The following ERBIN variants were observed in gnomAD, a reference collection of about 807,000 sequenced individuals.
ERBIN encodes densin-180-like protein.
Under a neutral mutation model 158.4 loss-of-function variants are expected in ERBIN, and 60 were observed. The observed-to-expected ratio is 0.38, with a 90% CI of 0.31 to 0.47. The LOEUF is 0.47. ERBIN is among the 20% of genes least tolerant of loss of function. The pLI, the probability that ERBIN is intolerant of heterozygous loss-of-function variation, is 0.99. For synonymous variants in ERBIN, 594 were observed against 557.2 expected, an observed-to-expected ratio of 1.07 and a Z score of -0.93; for missense variants, 1,610 against 1,648.0, an observed-to-expected ratio of 0.98 and a Z score of 0.40.
chr5:65,992,526 A>G (rs1410688326), intron 2 of ERBIN, among the ~76,000 whole-genome samples, 184 bp from the exon 3 acceptor site: 1 of 152,188 alleles, frequency 6.6e-6, no homozygotes, highest in Non-Finnish European at 1.5e-5. Context: ...CTTGAGTTTA[A>G]TTTGAAATCC....
chr5:66,063,214 G>T (rs2151274447), intron 21 of ERBIN, among the ~76,000 whole-genome samples: 1 of 152,330 alleles, frequency 6.6e-6, no homozygotes, highest in South Asian at 2.1e-4. Context: ...AGCTGCTTTG[G>T]TTACCTACTC....
chr5:66,049,866 T>G (rs1397668587), intron 19 of ERBIN, among the ~76,000 whole-genome samples: 1 of 152,102 alleles, frequency 6.6e-6, no homozygotes, highest in African/African-American at 2.4e-5. Context: ...ACTTGTCTGT[T>G]TCTGTTCATG....
At chr5:65,968,620 G>A (rs979195900) in intron 1 of ERBIN, among the ~76,000 whole-genome samples, 2 of 152,108 alleles carry the variant, frequency 1.3e-5, no homozygotes, top group African/African-American at 4.8e-5. Flanking sequence ...GAGTGCAGTG[G>A]CCCGATCTTG....
chr5:65,968,206 G>A (rs1356896611), intron 1 of ERBIN, among the ~76,000 whole-genome samples: 5 of 152,158 alleles, frequency 3.3e-5, no homozygotes, highest in Admixed American at 3.3e-4. Flanking sequence ...CATCTTGTTG[G>A]TTAGGGATTA....
intron 7 of ERBIN, among the ~76,000 whole-genome samples, chr5:66,020,891 G>A (rs73107536): frequency 0.032 from 4,843 of 151,820 alleles, 129 homozygotes; most frequent in African/African-American, 0.072. Context: ...ATTAATTTTC[G>A]GAGTTACAGT....
chr5:65,947,450 CATTG>C (rs1343845145), intron 1 of ERBIN, among the ~76,000 whole-genome samples: 1 of 152,106 alleles, frequency 6.6e-6, no homozygotes, highest in African/African-American at 2.4e-5. Flanking sequence ...TGTTCAGCTT[CATTG>C]ATTATTATTT....
chr5:66,058,605 T>C (rs1009891347), intron 21 of ERBIN, among the ~76,000 whole-genome samples: 2 of 150,724 alleles, frequency 1.3e-5, no homozygotes, highest in African/African-American at 2.5e-5. Flanking sequence ...CATGAAGTCC[T>C]TGCCCATGCC....
Position 66,076,263 on chromosome 5 carries a change from C to T in ERBIN, c.3964-53C>T. On this transcript the variant is annotated intron_variant, in intron 23 of 25. Coordinates refer to ENST00000284037, the MANE Select transcript of ERBIN (RefSeq NM_001253697.2). ...CAGTATTTAAATATGGATGTTGTTG[C>T]ATTATAACTTTTTCTGAAATAGTAA... 3.7e-6 allele frequency: 5 copies of T among 1,348,090 alleles called. No homozygotes were observed. In the South Asian group the frequency reaches 6.1e-5, roughly 16 times the overall value. The allele number at this position is 1,348,090 out of a possible 1,614,324, so 83.5% of individuals were successfully genotyped here.
At chr5:65,932,533 G>T (rs958823421) in intron 1 of ERBIN, among the ~76,000 whole-genome samples, 5 of 152,124 alleles carry the variant, frequency 3.3e-5, no homozygotes, top group Non-Finnish European at 7.3e-5. Flanking sequence ...GACCTGGAAG[G>T]TTCCTTGAAA....
At chr5:65,954,940 A>G (rs368914136) in intron 1 of ERBIN, among the ~76,000 whole-genome samples, 2 of 151,884 alleles carry the variant, frequency 1.3e-5, no homozygotes, top group East Asian at 3.9e-4. Context: ...TGGTGGGCGC[A>G]TGTAATCCCA....
intron 8 of ERBIN, among the ~76,000 whole-genome samples, chr5:66,022,272 G>A (rs929380912): frequency 3.3e-5 from 5 of 152,116 alleles, no homozygotes; most frequent in South Asian, 2.1e-4. Flanking sequence ...GTATGAATCC[G>A]TTTCCGTATT....
intron 25 of ERBIN, 77 bp from the exon 26 acceptor site, chr5:66,078,346 A>G (rs1327086999): frequency 5.6e-6 from 5 of 894,240 alleles, no homozygotes; most frequent in South Asian, 4.6e-5. Flanking sequence ...TTTTCTTCCA[A>G]GTTTGTGAAC....
intron 24 of ERBIN, chr5:66,076,663 A>G: frequency 1.7e-6 from 1 of 601,650 alleles, no homozygotes; most frequent in East Asian, 2.9e-5. Context: ...CACACCTATA[A>G]AAGTAATTTT....
Position 66,028,247 on chromosome 5 carries a change from A to G in ERBIN, c.1137-27A>G, listed in dbSNP as rs562137557. 4.0e-5 allele frequency: 63 copies of G among 1,557,646 alleles called. No homozygotes were observed. In the South Asian group the frequency reaches 6.6e-4, roughly 16 times the overall value. ...TTAAATCTTCTCATTTTAAAGTTTA[A>G]TTTTTGTTTGTATTTTTTTCCTACA... On this transcript the variant is annotated intron_variant, in intron 13 of 25. Transcript: ENST00000284037.
chr5:65,981,543 C>G (rs1443644598), intron 1 of ERBIN, among the ~76,000 whole-genome samples: 1 of 151,884 alleles, frequency 6.6e-6, no homozygotes, highest in African/African-American at 2.4e-5. Flanking sequence ...CCGCAGATTA[C>G]TGGTATAAAA....
chr5:65,942,529 T>C (rs73762516), intron 1 of ERBIN, among the ~76,000 whole-genome samples: 6,114 of 152,328 alleles, frequency 0.04, 417 homozygotes, highest in African/African-American at 0.14. Flanking sequence ...GGATACAGCT[T>C]AATTTACAAA....
intron 1 of ERBIN, among the ~76,000 whole-genome samples, chr5:65,967,681 GTTTC>G (rs1331772744): frequency 1.3e-5 from 2 of 152,214 alleles, no homozygotes; most frequent in Middle Eastern, 3.2e-3. Context: ...ATGCACGATT[GTTTC>G]TTCCAACAAA....
At chr5:66,058,326 A>G (rs1421792240) in intron 21 of ERBIN, among the ~76,000 whole-genome samples, 5 of 152,070 alleles carry the variant, frequency 3.3e-5, no homozygotes, top group Admixed American at 6.5e-5. Flanking sequence ...TTTTGGCTGC[A>G]TAAGTGTCTT....
Position 66,080,265 on chromosome 5 carries a change from A to G in ERBIN, c.*1735A>G, listed in dbSNP as rs1762326597. On this transcript the variant is annotated 3_prime_UTR_variant, in exon 26 of 26. Coordinates refer to ENST00000284037, the MANE Select transcript of ERBIN (RefSeq NM_001253697.2). ...AGCACTTTTAAAAATATGTGAACTC[A>G]AATATTGCACTTCTTTCAAGATGTT... The G allele has an allele frequency of 6.6e-6, 1 of 152,550 alleles. No individual in the cohort carries two copies. Among genetic ancestry groups the G allele is most frequent in the Non-Finnish European group, 1.5e-5 (1 of 67,976 alleles). 9.4% of individuals were successfully genotyped at this position (152,550 alleles called of 1,614,324 possible). A position where few individuals can be genotyped will look rare whatever the true frequency, so the allele number is the denominator to read the frequency against.
Sources: gnomAD v4.1 joint callset for allele counts (sites outside exome capture counted in the v4.1 genomes callset) on GRCh38, gnomAD v4.1.1 for gene constraint, MANE v1.5 for transcripts, NCBI Gene and HGNC (gene_info 2026-07-23, HGNC 2026-07-21) for gene names.